MAGI2: variants seen among roughly 807,000 people sequenced by gnomAD.
The protein encoded by MAGI2 is membrane associated guanylate kinase, WW and PDZ domain containing 2.
In MAGI2, 35 loss-of-function variants were observed where a neutral mutation model predicts 133.3. The ratio of observed to expected loss-of-function variants is 0.26; its 90% CI spans 0.20 to 0.35. The LOEUF (loss-of-function observed/expected upper bound fraction) is 0.35, where lower values mean the gene tolerates loss of function less well. Among genes scored for constraint, MAGI2 ranks in the 10% least tolerant of loss-of-function variants. The pLI is 1.00. For missense variants in MAGI2, 1,636 were observed against 1,863.4 expected (o/e 0.88, Z 2.25); for synonymous variants, 729 against 710.6 (o/e 1.03, Z -0.41).
chr7:79,322,459 G>A (rs895454357), intron 1 of MAGI2, among the ~76,000 whole-genome samples: 1 of 151,914 alleles, frequency 6.6e-6, no homozygotes, highest in Non-Finnish European at 1.5e-5. Context: ...TGTGATCTTG[G>A]GCAAGCTATT....
At chr7:78,110,400 T>C (rs1392864555) in intron 20 of MAGI2, among the ~76,000 whole-genome samples, 1 of 152,178 alleles carries the variant, frequency 6.6e-6, no homozygotes, top group Non-Finnish European at 1.5e-5. Flanking sequence ...GGCATTAAGA[T>C]GGCATAACAA....
rs377197526 is a variant in MAGI2, at chr7:79,004,606, A to T, written c.418+2484T>A. 2.6e-5 allele frequency among the ~76,000 whole-genome samples: 4 copies of T among 152,204 alleles called. No homozygotes were observed. The East Asian group carries it at 7.7e-4, about 29-fold the overall frequency. On this transcript the variant is annotated intron_variant, in intron 2 of 21. Coordinates refer to ENST00000354212, the MANE Select transcript of MAGI2 (RefSeq NM_012301.4). ...CAAAGTAGCTAAATGAAATAAATAGAATTGTTCCCAACACATAGAAATGAT... is the reference window on the plus strand; with the variant it reads ...CAAAGTAGCTAAATGAAATAAATAGTATTGTTCCCAACACATAGAAATGAT...
At chr7:78,483,065 T>C (rs1792587142) in intron 6 of MAGI2, among the ~76,000 whole-genome samples, 1 of 151,846 alleles carries the variant, frequency 6.6e-6, no homozygotes, top group South Asian at 2.1e-4. Context: ...GATTGTACCA[T>C]TATCAGTTTT....
intron 1 of MAGI2, among the ~76,000 whole-genome samples, chr7:79,223,344 G>A (rs984423282): frequency 4.6e-5 from 7 of 151,876 alleles, no homozygotes; most frequent in African/African-American, 1.5e-4. Flanking sequence ...AATTGCATTC[G>A]TCAAGCCTAA....
intron 3 of MAGI2, among the ~76,000 whole-genome samples, chr7:78,547,296 G>A (rs1798926627): frequency 6.6e-6 from 1 of 152,214 alleles, no homozygotes; most frequent in Non-Finnish European, 1.5e-5. Flanking sequence ...TTCAGTGAGA[G>A]ACAGCATTCA....
intron 2 of MAGI2, among the ~76,000 whole-genome samples, chr7:78,775,039 C>T (rs1344273961): frequency 2.0e-5 from 3 of 151,896 alleles, no homozygotes; most frequent in Non-Finnish European, 2.9e-5. Flanking sequence ...CAGGGCCGGG[C>T]GCAGTGGCTC....
intron 3 of MAGI2, among the ~76,000 whole-genome samples, chr7:78,551,093 A>T (rs1190595872): frequency 1.3e-5 from 2 of 152,212 alleles, no homozygotes; most frequent in African/African-American, 4.8e-5. Flanking sequence ...CACCTATCTT[A>T]ACTTTATAAA....
At chr7:78,981,199 G>A (rs1310119750) in intron 2 of MAGI2, among the ~76,000 whole-genome samples, 1 of 151,386 alleles carries the variant, frequency 6.6e-6, no homozygotes, top group East Asian at 1.9e-4. Flanking sequence ...ACTAGACACT[G>A]TCTCATTAAA....
chr7:78,878,573 C>A (rs1450293964), intron 2 of MAGI2, among the ~76,000 whole-genome samples: 2 of 152,108 alleles, frequency 1.3e-5, no homozygotes, highest in Non-Finnish European at 2.9e-5. Flanking sequence ...AAATCACATG[C>A]CAATATTTCG....
intron 6 of MAGI2, among the ~76,000 whole-genome samples, chr7:78,418,274 T>C (rs1304487635): frequency 1.3e-5 from 2 of 152,146 alleles, no homozygotes; most frequent in Admixed American, 1.3e-4. Flanking sequence ...AATAACCATA[T>C]GCATTTAGAA....
intron 2 of MAGI2, among the ~76,000 whole-genome samples, chr7:78,949,459 C>A (rs1002188964): frequency 8.5e-5 from 13 of 152,112 alleles, no homozygotes; most frequent in African/African-American, 3.1e-4. Flanking sequence ...ATAACAAAAC[C>A]AGAGTGATAT....
At chr7:78,616,162 A>T (rs1266567623) in intron 3 of MAGI2, 1 of 152,242 alleles carries the variant, frequency 6.6e-6, no homozygotes, top group Non-Finnish European at 1.5e-5. Flanking sequence ...CATTTCTTTA[A>T]TGAGAAAACA....
Position 78,019,605 on chromosome 7 carries a change from C to T in MAGI2, c.4078G>A (p.Ala1360Thr). ...GCCTCCTTCCCGCCCGCCCGCGCCG[C>T]GTCCGCCGCGTCTGCCGCCGCGAGC... is the stretch of plus-strand genomic sequence containing the variant. ...PGLAAADAAD[A>T]ARAGGKEAPR... The change falls in exon 22 of 22, where the codon GCG (alanine) becomes ACG (threonine). Residue 1360 changes from alanine (A) to threonine (T), a missense_variant. Around this residue, in one of 5 missense-constraint regions of MAGI2, gnomAD observed 354 missense variants for 298.7 expected, o/e 1.19. Transcript: ENST00000354212. 2 of 982,108 alleles carry T rather than the reference C, an allele frequency of 2.0e-6. No individual in the cohort carries two copies. The highest frequency in any genetic ancestry group is 2.4e-6 in the Non-Finnish European group (2 of 829,376). The allele number at this position is 982,108 out of a possible 1,614,324, so 60.8% of individuals were successfully genotyped here. A position where few individuals can be genotyped will look rare whatever the true frequency, so the allele number is the denominator to read the frequency against.
chr7:78,680,422 T>C (rs908210701), intron 2 of MAGI2, among the ~76,000 whole-genome samples: 2 of 152,140 alleles, frequency 1.3e-5, no homozygotes, highest in Non-Finnish European at 2.9e-5. Flanking sequence ...AAGTAAGCTC[T>C]CTTAGGTTTG....
intron 2 of MAGI2, among the ~76,000 whole-genome samples, chr7:78,855,422 A>T (rs1190457219): frequency 6.6e-6 from 1 of 152,048 alleles, no homozygotes. Context: ...ACCCCATGAC[A>T]GGCCCCAGTG....
At chr7:78,114,130 T>C (rs1305920978) in intron 20 of MAGI2, among the ~76,000 whole-genome samples, 1 of 152,190 alleles carries the variant, frequency 6.6e-6, no homozygotes, top group East Asian at 1.9e-4. Context: ...CTCTTTTTAC[T>C]AGCTCGTTAT....
chr7:78,375,569 A>T (rs185958041), intron 6 of MAGI2, among the ~76,000 whole-genome samples: 84 of 152,136 alleles, frequency 5.5e-4, no homozygotes, highest in African/African-American at 1.8e-3. Flanking sequence ...TTTTATGTTG[A>T]CTAGCCTTTT....
intron 1 of MAGI2, among the ~76,000 whole-genome samples, chr7:79,353,242 G>A (rs907031058): frequency 1.3e-5 from 2 of 152,016 alleles, no homozygotes; most frequent in African/African-American, 4.8e-5. Context: ...AGTCTAGGGA[G>A]CACTTCCACC....
intron 1 of MAGI2, among the ~76,000 whole-genome samples, chr7:79,282,957 G>A (rs1383828020): frequency 1.3e-5 from 2 of 152,022 alleles, no homozygotes; most frequent in African/African-American, 4.8e-5. Context: ...GGCAATTCTA[G>A]GTTACTGCAC....
Sources: gnomAD v4.1 joint callset for allele counts (sites outside exome capture counted in the v4.1 genomes callset) on GRCh38, gnomAD v4.1.1 for gene constraint, gnomAD v4.1.1 regional missense constraint, MANE v1.5 for transcripts, NCBI Gene and HGNC (gene_info 2026-07-23, HGNC 2026-07-21) for gene names.